CFAP77: variants seen among roughly 807,000 people sequenced by gnomAD.
The protein encoded by CFAP77 is cilia- and flagella-associated protein 77.
In CFAP77, 25 loss-of-function variants were observed where a neutral mutation model predicts 31.1. The observed-to-expected ratio is 0.80, with a 90% CI of 0.59 to 1.12. The LOEUF (loss-of-function observed/expected upper bound fraction) is 1.12, where lower values mean the gene tolerates loss of function less well. Among genes scored for constraint, CFAP77 ranks in the 50% most tolerant of loss-of-function variants. CFAP77 has a pLI of 0.00. For synonymous variants in CFAP77, 151 were observed against 159.9 expected, an observed-to-expected ratio of 0.94 and a Z score of 0.42; for missense variants, 377 against 397.3, an observed-to-expected ratio of 0.95 and a Z score of 0.44.
At chr9:132,543,789 GGT>G (rs1852686528) in intron 5 of CFAP77, among the ~76,000 whole-genome samples, 1 of 152,178 alleles carries the variant, frequency 6.6e-6, no homozygotes, top group South Asian at 2.1e-4. Flanking sequence ...GAACTCAACC[GGT>G]GTTCACTCAG....
intron 1 of CFAP77, among the ~76,000 whole-genome samples, chr9:132,430,579 C>T (rs1850396291): frequency 6.6e-6 from 1 of 152,230 alleles, no homozygotes; most frequent in Admixed American, 6.5e-5. Flanking sequence ...GAAAAGCCCT[C>T]CTGTCCCAGT....
intron 5 of CFAP77, among the ~76,000 whole-genome samples, chr9:132,563,929 T>G (rs1009013133): frequency 1.2e-4 from 19 of 152,240 alleles, no homozygotes; most frequent in African/African-American, 4.6e-4. Context: ...TCTTCTGCCC[T>G]TTCTTCAGCT....
At chr9:132,471,682 G>A (rs1410316633) in intron 1 of CFAP77, among the ~76,000 whole-genome samples, 3 of 123,018 alleles carry the variant, frequency 2.4e-5, no homozygotes, top group Non-Finnish European at 5.2e-5. Context: ...GAGAGAGGGG[G>A]GTTGTTTTTG....
At chr9:132,442,201 C>G (rs945279756) in intron 1 of CFAP77, among the ~76,000 whole-genome samples, 10 of 152,254 alleles carry the variant, frequency 6.6e-5, no homozygotes, top group South Asian at 6.2e-4. Context: ...CCATTCTCTC[C>G]TGGACAGAAT....
chr9:132,442,880 C>A (rs1850636411), intron 1 of CFAP77, among the ~76,000 whole-genome samples: 1 of 152,136 alleles, frequency 6.6e-6, no homozygotes, highest in South Asian at 2.1e-4. Flanking sequence ...GCAGTTCATG[C>A]ATTCACGATG....
chr9:132,555,498 G>A (rs1308624334), intron 5 of CFAP77, among the ~76,000 whole-genome samples: 2 of 152,308 alleles, frequency 1.3e-5, no homozygotes, highest in Non-Finnish European at 2.9e-5. Context: ...CAAAATCAAA[G>A]ACTGTCAACC....
At chr9:132,553,078 C>T (rs1190064268) in intron 5 of CFAP77, among the ~76,000 whole-genome samples, 1 of 152,226 alleles carries the variant, frequency 6.6e-6, no homozygotes, top group Admixed American at 6.5e-5. Flanking sequence ...AGGGTGCCAG[C>T]ATGATCAGGT....
chr9:132,538,419 G>A lies in CFAP77; in HGVS notation c.630+713G>A, dbSNP rs1390431469. ...AGGAGTCCCTAGCAACAAGCAGGACGTCAGGGCAGTGAGGTTTTTTAGCAG... is the reference window on the plus strand; with the variant it reads ...AGGAGTCCCTAGCAACAAGCAGGACATCAGGGCAGTGAGGTTTTTTAGCAG... On this transcript the variant is annotated intron_variant, in intron 4 of 5. Transcript: ENST00000393216. Among the ~76,000 whole-genome samples, 5 of 152,364 alleles carry A rather than the reference G, an allele frequency of 3.3e-5. No homozygotes were observed. The East Asian group carries it at 5.8e-4, about 18-fold the overall frequency.
chr9:132,434,042 G>A (rs1031218267), intron 1 of CFAP77, among the ~76,000 whole-genome samples: 3 of 151,830 alleles, frequency 2.0e-5, no homozygotes, highest in African/African-American at 7.3e-5. Flanking sequence ...GGGAGGCTCA[G>A]ATGGGAGGAT....
chr9:132,419,527 A>C (rs1480439246), intron 1 of CFAP77, among the ~76,000 whole-genome samples: 1 of 152,142 alleles, frequency 6.6e-6, no homozygotes, highest in Non-Finnish European at 1.5e-5. Context: ...GGAATTAGAA[A>C]ATTTACTGGC....
intron 1 of CFAP77, among the ~76,000 whole-genome samples, chr9:132,414,824 C>G (rs1280819877): frequency 6.6e-6 from 1 of 152,154 alleles, no homozygotes; most frequent in Non-Finnish European, 1.5e-5. Flanking sequence ...ATTATCATCA[C>G]GAGGAAGCGT....
chr9:132,432,126 G>T (rs568547077), intron 1 of CFAP77, among the ~76,000 whole-genome samples: 29 of 152,276 alleles, frequency 1.9e-4, no homozygotes, highest in Non-Finnish European at 3.2e-4. Flanking sequence ...CAGATGTCTC[G>T]CTGGAAACAC....
intron 3 of CFAP77, among the ~76,000 whole-genome samples, chr9:132,523,262 AT>A: frequency 6.6e-6 from 1 of 151,452 alleles, no homozygotes; most frequent in Non-Finnish European, 1.5e-5. Context: ...TAATTTTTGT[AT>A]TTTTTAGTAG....
At chr9:132,529,507 TAAA>T (rs750691279) in intron 3 of CFAP77, among the ~76,000 whole-genome samples, 8 of 108,812 alleles carry the variant, frequency 7.4e-5, no homozygotes, top group African/African-American at 1.7e-4. Context: ...TAGAGTATAA[TAAA>T]AAAAAAAAAC....
chr9:132,466,768 T>C (rs487753), intron 1 of CFAP77, among the ~76,000 whole-genome samples: 72,888 of 152,054 alleles, frequency 0.48, 17,866 homozygotes, highest in East Asian at 0.74. Context: ...AAGGGGCTGG[T>C]GGAGATGACC....
intron 5 of CFAP77, among the ~76,000 whole-genome samples, chr9:132,548,671 TTGGC>T (rs1401809679): frequency 6.7e-6 from 1 of 149,080 alleles, no homozygotes; most frequent in African/African-American, 2.6e-5. Flanking sequence ...CAAGCATCTG[TTGGC>T]TGGCGGGGGG....
intron 3 of CFAP77, among the ~76,000 whole-genome samples, chr9:132,502,822 G>A (rs923473544): frequency 1.5e-4 from 23 of 152,284 alleles, no homozygotes; most frequent in African/African-American, 4.1e-4. Context: ...TGTAGACCCC[G>A]TAGTGGGATT....
intron 5 of CFAP77, among the ~76,000 whole-genome samples, chr9:132,557,890 C>T (rs1852928925): frequency 1.3e-5 from 2 of 151,002 alleles, no homozygotes; most frequent in South Asian, 4.2e-4. Context: ...GTAGATGTCT[C>T]CTCCCCCGGT....
At chr9:132,520,790 TG>T (rs1424986881) in intron 3 of CFAP77, among the ~76,000 whole-genome samples, 1 of 152,130 alleles carries the variant, frequency 6.6e-6, no homozygotes, top group African/African-American at 2.4e-5. Flanking sequence ...TTCTGCCCCC[TG>T]GCCCAGGAGC....
Sources: allele counts gnomAD v4.1 joint callset (sites outside exome capture counted in the v4.1 genomes callset), GRCh38; gene constraint gnomAD v4.1.1; transcripts MANE v1.5; gene names NCBI Gene and HGNC (gene_info 2026-07-23, HGNC 2026-07-21).